Variants in OPHN1 observed in about 807,000 individuals in gnomAD.
OPHN1 encodes the protein oligophrenin 1, also known as oligophrenin-1.
Under a neutral mutation model 60.7 loss-of-function variants are expected in OPHN1, and 11 were observed. The ratio of observed to expected loss-of-function variants is 0.18; its 90% CI spans 0.11 to 0.30. The LOEUF (loss-of-function observed/expected upper bound fraction) is 0.30. Among genes scored for constraint, OPHN1 ranks in the 10% least tolerant of loss-of-function variants. The pLI is 1.00. For missense variants in OPHN1, 449 were observed against 611.0 expected (o/e 0.73, Z 2.80); for synonymous variants, 226 against 222.6 (o/e 1.02, Z -0.14).
At chrX:68,384,087 G>C (rs1001824815) in intron 2 of OPHN1, among the ~76,000 whole-genome samples, 1 of 111,757 alleles carries the variant, frequency 8.9e-6, no homozygotes, top group East Asian at 2.8e-4. Flanking sequence ...AATCCGGTAT[G>C]AAATAAGCAT....
In OPHN1 at chrX:68,188,643, T is replaced by C. The variant is rs181461965; in HGVS notation, c.1276+4276A>G. Among the ~76,000 whole-genome samples the C allele has an allele frequency of 6.4e-3, 716 of 112,010 alleles. 23 individuals carry two copies. Among genetic ancestry groups the C allele is most frequent in the Admixed American group, 0.06 (633 of 10,544 alleles). ...TACAGTTGCTTTAAAGATTAACATA[T>C]AGAGTTCAAGTTCTGCAACTCCTGA... On this transcript the variant is annotated intron_variant, in intron 15 of 24. Coordinates refer to ENST00000355520, the MANE Select transcript of OPHN1 (RefSeq NM_002547.3).
At chrX:68,194,769 G>C (rs2077503435) in intron 12 of OPHN1, among the ~76,000 whole-genome samples, 1 of 109,950 alleles carries the variant, frequency 9.1e-6, no homozygotes, top group Non-Finnish European at 1.9e-5. Flanking sequence ...AGGAGTTTAA[G>C]ACCAGCCTGG....
chrX:68,161,599 T>G (rs2077334555), intron 15 of OPHN1, among the ~76,000 whole-genome samples: 1 of 111,058 alleles, frequency 9.0e-6, no homozygotes, highest in Admixed American at 9.6e-5. Flanking sequence ...AAAGATTTAG[T>G]ACAAAGGAAC....
chrX:68,188,311 T>G (rs2077472447), intron 15 of OPHN1, among the ~76,000 whole-genome samples: 1 of 112,326 alleles, frequency 8.9e-6, no homozygotes, highest in South Asian at 3.6e-4. Context: ...TAAAAGTTTT[T>G]GAACTCAGTT....
At chrX:68,119,877 C>T (rs1475896084) in intron 15 of OPHN1, among the ~76,000 whole-genome samples, 1 of 111,544 alleles carries the variant, frequency 9.0e-6, no homozygotes, top group Non-Finnish European at 1.9e-5. Context: ...CCTCATGCTT[C>T]CAGCAGGGGG....
chrX:68,170,794 AG>A (rs1331972033), intron 15 of OPHN1, among the ~76,000 whole-genome samples: 1 of 42,007 alleles, frequency 2.4e-5, no homozygotes, highest in Non-Finnish European at 4.0e-5. Flanking sequence ...GGGTGGGGGG[AG>A]GGGGGAGGGA....
chrX:68,391,499 C>T (rs2078653710), intron 2 of OPHN1, among the ~76,000 whole-genome samples: 1 of 111,137 alleles, frequency 9.0e-6, no homozygotes, highest in Non-Finnish European at 1.9e-5. Flanking sequence ...GAGGCAACTA[C>T]CCTCAGCAGT....
chrX:68,268,542 G>A (rs375805894), intron 5 of OPHN1, among the ~76,000 whole-genome samples: 2 of 111,283 alleles, frequency 1.8e-5, no homozygotes, highest in African/African-American at 3.3e-5. Flanking sequence ...ATTCAACAAC[G>A]CTTCATGCTA....
At position 68,043,338 on chromosome X, in the gene OPHN1, A is replaced by T. The variant is rs2076821984; in HGVS notation, c.*3834T>A. On this transcript the variant is annotated 3_prime_UTR_variant, in exon 25 of 25. Transcript: ENST00000355520. ...TATACATATGTAACTAACCTGCACA[A>T]TGTGCACATGTACCCTAAAACTTAG... 1 of 89,985 alleles carries T rather than the reference A, an allele frequency of 1.1e-5. No homozygotes were observed. The highest frequency in any genetic ancestry group is 2.2e-5 in the Non-Finnish European group (1 of 46,338). The allele number at this position is 89,985 out of a possible 1,213,427, so 7.4% of individuals were successfully genotyped here.
At chrX:68,197,530 C>T (rs1043061203) in intron 11 of OPHN1, among the ~76,000 whole-genome samples, 26 of 111,113 alleles carry the variant, frequency 2.3e-4, no homozygotes, top group African/African-American at 7.5e-4. Context: ...ACTGTCAAGA[C>T]GCCTCCATAA....
chrX:68,359,930 C>G (rs767056151), intron 2 of OPHN1, among the ~76,000 whole-genome samples: 136 of 107,191 alleles, frequency 1.3e-3, no homozygotes, highest in African/African-American at 3.8e-3. Flanking sequence ...GTTCAAATCA[C>G]CAGGCTGAAA....
At chrX:68,213,008 G>A (rs1263692791) in intron 7 of OPHN1, among the ~76,000 whole-genome samples, 1 of 112,209 alleles carries the variant, frequency 8.9e-6, no homozygotes, top group Non-Finnish European at 1.9e-5. Flanking sequence ...TGTTTCACAG[G>A]GTTGCAGAAA....
chrX:68,192,849 C>A, intron 15 of OPHN1, 70 bp downstream of exon 15: 1 of 868,313 alleles, frequency 1.2e-6, no homozygotes, highest in South Asian at 2.0e-5. Context: ...TGTCTCCTTT[C>A]TCTTCCAGTC....
chrX:68,414,095 C>T (rs1257943462), intron 2 of OPHN1, among the ~76,000 whole-genome samples: 1 of 111,769 alleles, frequency 8.9e-6, no homozygotes, highest in Non-Finnish European at 1.9e-5. Context: ...AAATAAAATA[C>T]TTAGAGACTA....
At chrX:68,168,225 T>C (rs1295054939) in intron 15 of OPHN1, among the ~76,000 whole-genome samples, 4 of 110,878 alleles carry the variant, frequency 3.6e-5, no homozygotes, top group Non-Finnish European at 7.5e-5. Context: ...ACACCACCCT[T>C]ATTCCAAAAT....
At chrX:68,193,768 C>T (rs1379729320) in intron 14 of OPHN1, 122 bp downstream of exon 14, 1 of 580,270 alleles carries the variant, frequency 1.7e-6, no homozygotes, top group Non-Finnish European at 2.9e-6. Flanking sequence ...TTCTAGCTTG[C>T]ATCTACTACA....
At chrX:68,369,978 G>A (rs1346352830) in intron 2 of OPHN1, among the ~76,000 whole-genome samples, 1 of 92,167 alleles carries the variant, frequency 1.1e-5, no homozygotes, top group East Asian at 3.4e-4. Context: ...AACTACAGAG[G>A]CCAGAAGACA....
chrX:68,311,696 G>A (rs1370005016), intron 2 of OPHN1, among the ~76,000 whole-genome samples: 1 of 112,057 alleles, frequency 8.9e-6, no homozygotes, highest in Non-Finnish European at 1.9e-5. Flanking sequence ...GCCTCCCAAA[G>A]TGTTGGGATT....
In OPHN1 at chrX:68,243,419, G is replaced by A. The variant is rs754810019; in HGVS notation, c.385-8831C>T. Among the ~76,000 whole-genome samples, 28 of 110,896 alleles carry A rather than the reference G, an allele frequency of 2.5e-4. No homozygotes were observed. In the East Asian group the frequency reaches 2.6e-3, roughly 10 times the overall value. On this transcript the variant is annotated intron_variant, in intron 5 of 24. Transcript: ENST00000355520. ...TGTATTTATTTTGACCTGGAGTCTC[G>A]TTCTGTCACCCAGGCTGGAGTGCAG...
Sources: allele counts gnomAD v4.1 joint callset (sites outside exome capture counted in the v4.1 genomes callset), GRCh38; gene constraint gnomAD v4.1.1; transcripts MANE v1.5; gene names NCBI Gene and HGNC (gene_info 2026-07-23, HGNC 2026-07-21).